ALMS1: variants seen among roughly 807,000 people sequenced by gnomAD.
ALMS1 encodes centrosome-associated protein ALMS1.
In ALMS1, 271 loss-of-function variants were observed where a neutral mutation model predicts 352.2. The observed-to-expected ratio is 0.77, with a 90% CI of 0.70 to 0.85. The LOEUF is 0.85. ALMS1 is among the 40% of genes least tolerant of loss of function. The pLI, the probability that ALMS1 is intolerant of heterozygous loss-of-function variation, is 0.00. For missense variants in ALMS1, 5,445 were observed against 4,870.7 expected, an observed-to-expected ratio of 1.12 and a Z score of -3.51; for synonymous variants, 1,865 against 1,761.2, an observed-to-expected ratio of 1.06 and a Z score of -1.48.
In ALMS1 at chr2:73,489,859, G is replaced by T. The variant is rs201426207; in HGVS notation, c.7900G>T (p.Asp2634Tyr). Residue 2634 changes from aspartate to tyrosine, a missense_variant, in exon 10 of 23, where the codon GAC (aspartate) becomes TAC (tyrosine). Physicochemically the swap from Asp to Tyr is radical, Grantham distance 160. Coordinates refer to ENST00000613296, the MANE Select transcript of ALMS1 (RefSeq NM_001378454.1). Reference protein sequence around the residue: ...AKHVNLSASLDQNNSHFKVWN... With the variant: ...AKHVNLSASLYQNNSHFKVWN... Reference sequence around the variant, plus strand: ...GCATGTCAACCTTTCTGCATCCTTAGACCAGAACAACTCCCATTTCAAAGT... The same window carrying T: ...GCATGTCAACCTTTCTGCATCCTTATACCAGAACAACTCCCATTTCAAAGT... 1 of 1,614,158 alleles carries T rather than the reference G, an allele frequency of 6.2e-7. No individual in the cohort carries two copies. Among genetic ancestry groups the T allele is most frequent in the African/African-American group, 1.3e-5 (1 of 75,044 alleles).
At chr2:73,574,336 C>T (rs1675007693) in intron 16 of ALMS1, among the ~76,000 whole-genome samples, 1 of 152,050 alleles carries the variant, frequency 6.6e-6, no homozygotes, top group Admixed American at 6.6e-5. Context: ...GACATGCTCT[C>T]CAAAGAAGGA....
intron 11 of ALMS1, among the ~76,000 whole-genome samples, chr2:73,527,844 T>C (rs561476235): frequency 6.6e-6 from 1 of 152,234 alleles, no homozygotes; most frequent in East Asian, 1.9e-4. Context: ...GTTAGGTTGT[T>C]TATTTGAAGT....
At chr2:73,460,313 A>C (rs1672161837) in intron 9 of ALMS1, among the ~76,000 whole-genome samples, 1 of 152,246 alleles carries the variant, frequency 6.6e-6, no homozygotes, top group East Asian at 1.9e-4. Context: ...GTGATATATT[A>C]GGATGATACC....
Position 73,573,046 on chromosome 2 carries a change from A to G in ALMS1, c.11169A>G (p.Lys3723=), listed in dbSNP as rs2104106786. ...AATTTGATAAATATATTCTGAGTAAACAGCCAGGTTTTAATTATATAAGCA... is the reference window on the plus strand; with the variant it reads ...AATTTGATAAATATATTCTGAGTAAGCAGCCAGGTTTTAATTATATAAGCA... ...QIKFDKYILS[K]QPGFNYISNT... is the part of the protein sequence containing the mutation. Residue 3723 remains lysine, a synonymous_variant, in exon 16 of 23, where the codon AAA becomes AAG. Coordinates refer to ENST00000613296, the MANE Select transcript of ALMS1 (RefSeq NM_001378454.1). 1 of 1,614,068 alleles carries G rather than the reference A, an allele frequency of 6.2e-7. No homozygotes were observed. Among genetic ancestry groups the G allele is most frequent in the Non-Finnish European group, 8.5e-7 (1 of 1,179,986 alleles).
At position 73,483,633 on chromosome 2, in the gene ALMS1, A is replaced by C. The variant is rs1029477263; in HGVS notation, c.7675-6001A>C. On this transcript the variant is annotated intron_variant, in intron 9 of 22. Coordinates refer to ENST00000613296, the MANE Select transcript of ALMS1 (RefSeq NM_001378454.1). ...GTTCAGTTCCTGGGTATCCTTGTTG[A>C]CTTTCTGTCTCGTTGATCTGTCTAA... 5.4e-4 allele frequency among the ~76,000 whole-genome samples: 81 copies of C among 151,234 alleles called. 1 individual carries two copies. The highest frequency in any genetic ancestry group is 1.9e-3 in the African/African-American group (79 of 40,910).
chr2:73,482,561 T>C (rs374444282), intron 9 of ALMS1, among the ~76,000 whole-genome samples: 7 of 152,122 alleles, frequency 4.6e-5, no homozygotes, highest in East Asian at 1.9e-4. Context: ...TGTCTCTGCC[T>C]GGCTTTGGTA....
chr2:73,481,256 C>T (rs937171106), intron 9 of ALMS1, among the ~76,000 whole-genome samples: 46 of 152,012 alleles, frequency 3.0e-4, no homozygotes, highest in Admixed American at 9.2e-4. Flanking sequence ...TTTTTGTATA[C>T]GGTGTAAGGA....
At chr2:73,580,726 G>A (rs1399553202) in intron 16 of ALMS1, among the ~76,000 whole-genome samples, 3 of 152,116 alleles carry the variant, frequency 2.0e-5, no homozygotes, top group African/African-American at 7.2e-5. Context: ...AGGGTTTGTA[G>A]TTACTGCTTG....
At chr2:73,594,693 A>G (rs893662138) in intron 16 of ALMS1, among the ~76,000 whole-genome samples, 2 of 152,192 alleles carry the variant, frequency 1.3e-5, no homozygotes, top group African/African-American at 4.8e-5. Context: ...ATCTCCTTGC[A>G]TTGGAATACC....
chr2:73,483,378 C>T lies in ALMS1; in HGVS notation c.7675-6256C>T, dbSNP rs966127470. Among the ~76,000 whole-genome samples, 987 of 151,320 alleles carry T rather than the reference C, an allele frequency of 6.5e-3. 6 individuals are homozygous for T. The highest frequency in any genetic ancestry group is 9.5e-3 in the Non-Finnish European group (644 of 67,850). The stretch of plus-strand genomic sequence containing the variant: ...GTTGTTCAGTTTCCATGTAGTTGAG[C>T]GGTTTTGAGTGAGATTCTTAATCTT... On this transcript the variant is annotated intron_variant, in intron 9 of 22. Coordinates refer to ENST00000613296, the MANE Select transcript of ALMS1 (RefSeq NM_001378454.1).
intron 1 of ALMS1, among the ~76,000 whole-genome samples, chr2:73,408,274 C>G (rs1011942668): frequency 6.6e-6 from 1 of 152,194 alleles, no homozygotes; most frequent in African/African-American, 2.4e-5. Flanking sequence ...GACTTTTGTT[C>G]CCACTTCTTG....
At chr2:73,465,833 C>G (rs1362131063) in intron 9 of ALMS1, among the ~76,000 whole-genome samples, 2 of 152,132 alleles carry the variant, frequency 1.3e-5, no homozygotes, top group Non-Finnish European at 1.5e-5. Flanking sequence ...AGGATATGAA[C>G]AGACACTTCT....
intron 15 of ALMS1, among the ~76,000 whole-genome samples, chr2:73,561,683 A>T (rs1156623458): frequency 6.9e-6 from 1 of 145,250 alleles, no homozygotes; most frequent in Non-Finnish European, 1.5e-5. Context: ...ACACTACTGA[A>T]CTGTACACTT....
At chr2:73,421,476 C>T (rs140393386) in intron 3 of ALMS1, among the ~76,000 whole-genome samples, 6 of 152,256 alleles carry the variant, frequency 3.9e-5, no homozygotes, top group South Asian at 2.1e-4. Context: ...GACTGCTTCT[C>T]TGTGCCAAGA....
intron 22 of ALMS1, among the ~76,000 whole-genome samples, chr2:73,609,072 C>T (rs139558900): frequency 3.2e-4 from 48 of 152,354 alleles, no homozygotes; most frequent in Admixed American, 7.2e-4. Flanking sequence ...AAGAACCTCA[C>T]GGGGCAGGGT....
chr2:73,457,058 A>G (rs1250848130), intron 9 of ALMS1: 2 of 152,128 alleles, frequency 1.3e-5, no homozygotes, highest in Non-Finnish European at 2.9e-5. Flanking sequence ...CTTTCTGTCA[A>G]TGTACTGTGA....
At chr2:73,600,211 C>T (rs1234584620) in intron 17 of ALMS1, among the ~76,000 whole-genome samples, 2 of 152,062 alleles carry the variant, frequency 1.3e-5, no homozygotes, top group Non-Finnish European at 2.9e-5. Context: ...TAAATGGAGA[C>T]CAGAAGTGGG....
chr2:73,409,251 G>A (rs1461154694), intron 2 of ALMS1, among the ~76,000 whole-genome samples: 1 of 151,672 alleles, frequency 6.6e-6, no homozygotes, highest in Non-Finnish European at 1.5e-5. Context: ...TTTTGAAGGC[G>A]GGTCTCAGGA....
chr2:73,489,439 A>G (rs934871678), intron 9 of ALMS1, among the ~76,000 whole-genome samples, 195 bp from the exon 10 acceptor site: 10 of 152,286 alleles, frequency 6.6e-5, no homozygotes, highest in African/African-American at 9.6e-5. Flanking sequence ...GGTCTTAATC[A>G]TTGTGAGCCA....
Sources: gnomAD v4.1 joint callset for allele counts (sites outside exome capture counted in the v4.1 genomes callset) on GRCh38, gnomAD v4.1.1 for gene constraint, MANE v1.5 for transcripts, NCBI Gene and HGNC (gene_info 2026-07-23, HGNC 2026-07-21) for gene names.